KIF11: variants seen among roughly 807,000 people sequenced by gnomAD.
KIF11 encodes the protein kinesin family member 11, also known as kinesin-like protein KIF11.
Under a neutral mutation model 121.0 loss-of-function variants are expected in KIF11, and 9 were observed. The observed-to-expected ratio is 0.07, with a 90% CI of 0.04 to 0.13. KIF11 has a LOEUF of 0.13. Among genes scored for constraint, KIF11 ranks in the 10% least tolerant of loss-of-function variants. The probability of loss-of-function intolerance (pLI) is 1.00; values close to 1 mark genes in which losing one functional copy is unlikely to be tolerated. For missense variants in KIF11, 846 were observed against 1,217.5 expected (o/e 0.69, Z 4.54); for synonymous variants, 408 against 421.0 (o/e 0.97, Z 0.38).
At position 92,637,264 on chromosome 10, in the gene KIF11, T is replaced by C. The variant is rs776154687; in HGVS notation, c.1956T>C (p.Ser652=). ...PTVVSILKIN[S]QLKHIFKTSL... is the part of the protein sequence containing the mutation. ...TGGTGTCTATACTGAAAATCAATAG[T>C]CAACTAAAGCATATTTTCAAGACTT... is the stretch of plus-strand genomic sequence containing the variant. Residue 652 remains serine (S), a synonymous_variant, in exon 15 of 22, where the codon AGT becomes AGC. Coordinates refer to ENST00000260731, the MANE Select transcript of KIF11 (RefSeq NM_004523.4). The C allele has an allele frequency of 1.9e-6, 3 of 1,590,056 alleles. No individual in the cohort carries two copies. The highest frequency in any genetic ancestry group is 1.2e-5 in the South Asian group (1 of 86,032).
rs959052213 is a variant in KIF11 at position 92,637,464 on chromosome 10, C to T, written c.2079C>T (p.Thr693=). 6.2e-7 allele frequency: 1 copy of T among 1,607,270 alleles called. No homozygotes were observed. The highest frequency in any genetic ancestry group is 2.2e-5 in the East Asian group (1 of 44,732). Residue 693 remains threonine, a synonymous_variant, in exon 16 of 22, where the codon ACC becomes ACT. Coordinates refer to ENST00000260731, the MANE Select transcript of KIF11 (RefSeq NM_004523.4). ...CNNLHELQEN[T]ICSLVESQKQ... ...ATCTACATGAACTACAAGAAAATAC[C>T]ATTTGTTCCTTGGTTGAGTCACAAA...
At chr10:92,642,410 A>G (rs1377865084) in intron 17 of KIF11, among the ~76,000 whole-genome samples, 1 of 152,134 alleles carries the variant, frequency 6.6e-6, no homozygotes, top group Non-Finnish European at 1.5e-5. Flanking sequence ...CCCACATGAG[A>G]AAAATTTGTA....
At chr10:92,614,753 A>T (rs78255387) in intron 8 of KIF11, among the ~76,000 whole-genome samples, 5,139 of 152,278 alleles carry the variant, frequency 0.034, 139 homozygotes, top group Admixed American at 0.06. Context: ...TATTGCTATC[A>T]TCTGCCTTAA....
intron 1 of KIF11, among the ~76,000 whole-genome samples, chr10:92,599,239 G>T (rs1844338064): frequency 1.3e-5 from 2 of 151,782 alleles, no homozygotes; most frequent in African/African-American, 4.8e-5. Flanking sequence ...ACTGGAGGCT[G>T]GACGCAGTGG....
At chr10:92,612,745 C>T (rs1165759747) in intron 6 of KIF11, among the ~76,000 whole-genome samples, 2 of 152,130 alleles carry the variant, frequency 1.3e-5, no homozygotes, top group African/African-American at 4.8e-5. Context: ...CTTGACATAC[C>T]AGGCAACTGT....
intron 10 of KIF11, among the ~76,000 whole-genome samples, chr10:92,623,970 G>A (rs1298019822): frequency 6.6e-6 from 1 of 151,998 alleles, no homozygotes; most frequent in Non-Finnish European, 1.5e-5. Flanking sequence ...AGGAGTTGGT[G>A]TACATATTAT....
intron 21 of KIF11, among the ~76,000 whole-genome samples, chr10:92,653,083 A>AGT (rs545046445): frequency 1.3e-5 from 2 of 152,374 alleles, no homozygotes; most frequent in African/African-American, 4.8e-5. Flanking sequence ...AACAAGTAAA[A>AGT]GTGTTTTTAA....
At chr10:92,624,759 C>CTCTG (rs1554861186) in intron 10 of KIF11, among the ~76,000 whole-genome samples, 22,215 of 148,082 alleles carry the variant, frequency 0.15, 3,537 homozygotes, top group African/African-American at 0.4. Context: ...AATAGTATTT[C>CTCTG]TGTGTGTGTG....
In KIF11 at chr10:92,651,529, T is replaced by A. The variant is rs1417966612; in HGVS notation, c.3039+1012T>A. 1.4e-3 allele frequency among the ~76,000 whole-genome samples: 174 copies of A among 120,498 alleles called. 11 individuals are homozygous for A. The highest frequency in any genetic ancestry group is 8.2e-3 in the East Asian group (36 of 4,368). 79.1% of individuals were successfully genotyped at this position (120,498 alleles called of 152,430 possible). On this transcript the variant is annotated intron_variant, in intron 21 of 21. Transcript: ENST00000260731. ...TTTGTTTTTTTTTTTTTTTTTTTTT[T>A]TTTTTTTTTTTTTTTTTTTAGTAGA...
intron 1 of KIF11, chr10:92,596,848 CT>C (rs1290045445): frequency 1.2e-5 from 2 of 171,458 alleles, no homozygotes; most frequent in African/African-American, 2.4e-5. Context: ...CTTTTCCTTT[CT>C]TTTTCTTTTT....
Position 92,621,018 on chromosome 10 carries a change from T to G in KIF11, c.1129-367T>G, listed in dbSNP as rs561300720. Among the ~76,000 whole-genome samples the G allele has an allele frequency of 6.6e-5, 10 of 152,356 alleles. No homozygotes were observed. The South Asian group carries it at 2.1e-3, about 32-fold the overall frequency. On this transcript the variant is annotated intron_variant, in intron 9 of 21. Coordinates refer to ENST00000260731, the MANE Select transcript of KIF11 (RefSeq NM_004523.4). ...GCTTTGCTTAGCTTATTTCCTTGTCTTATTTGACAAGATGTTCCGTATTCA... is the reference window on the plus strand; with the variant it reads ...GCTTTGCTTAGCTTATTTCCTTGTCGTATTTGACAAGATGTTCCGTATTCA...
At chr10:92,618,543 G>A (rs1369943610) in intron 9 of KIF11, among the ~76,000 whole-genome samples, 2 of 151,232 alleles carry the variant, frequency 1.3e-5, no homozygotes, top group East Asian at 1.9e-4. Flanking sequence ...TTACTCAGGA[G>A]GCTGAGACAG....
At chr10:92,630,867 C>CAAAA (rs58123701) in intron 12 of KIF11, among the ~76,000 whole-genome samples, 2 of 99,986 alleles carry the variant, frequency 2.0e-5, no homozygotes, top group African/African-American at 4.1e-5. Flanking sequence ...AACTCCGTCT[C>CAAAA]AAAAAAAAAA....
At chr10:92,602,438 T>C (rs1200389172) in intron 1 of KIF11, among the ~76,000 whole-genome samples, 1 of 152,210 alleles carries the variant, frequency 6.6e-6, no homozygotes, top group Non-Finnish European at 1.5e-5. Flanking sequence ...TCCATCTCTT[T>C]ACTGGTTATA....
intron 10 of KIF11, among the ~76,000 whole-genome samples, chr10:92,625,509 C>T (rs939507994): frequency 1.3e-5 from 2 of 151,554 alleles, no homozygotes; most frequent in African/African-American, 2.4e-5. Flanking sequence ...CCACCATGCC[C>T]GGCTAATTTT....
At chr10:92,599,882 A>C (rs1589586604) in intron 1 of KIF11, among the ~76,000 whole-genome samples, 1 of 145,404 alleles carries the variant, frequency 6.9e-6, no homozygotes, top group South Asian at 2.2e-4. Context: ...CGATCTCTTG[A>C]CCTCGTGATC....
chr10:92,594,627 A>G (rs553359237), intron 1 of KIF11, among the ~76,000 whole-genome samples: 2 of 152,344 alleles, frequency 1.3e-5, no homozygotes, highest in African/African-American at 4.8e-5. Flanking sequence ...ACAAAAAGTT[A>G]TTAAGAACAA....
chr10:92,641,348 T>C (rs2135921397), intron 17 of KIF11, among the ~76,000 whole-genome samples: 1 of 152,336 alleles, frequency 6.6e-6, no homozygotes. Flanking sequence ...TGGGAAGTAG[T>C]CTTTAAGGGT....
At chr10:92,599,785 TG>T (rs1047199633) in intron 1 of KIF11, among the ~76,000 whole-genome samples, 10 of 147,428 alleles carry the variant, frequency 6.8e-5, no homozygotes, top group Admixed American at 2.0e-4. Flanking sequence ...CCCGAGTAGC[TG>T]GGACTACAGG....
Sources: allele counts gnomAD v4.1 joint callset (sites outside exome capture counted in the v4.1 genomes callset), GRCh38; gene constraint gnomAD v4.1.1; transcripts MANE v1.5; gene names NCBI Gene and HGNC (gene_info 2026-07-23, HGNC 2026-07-21).